The following GRK5 variants were observed in gnomAD, a reference collection of about 807,000 sequenced individuals.
The protein encoded by GRK5 is G protein-coupled receptor kinase 5.
A neutral mutation model predicts 78.4 loss-of-function variants in GRK5; 40 were observed. The observed-to-expected ratio is 0.51, with a 90% CI of 0.40 to 0.66. The LOEUF (loss-of-function observed/expected upper bound fraction) is 0.66, where lower values mean the gene tolerates loss of function less well. GRK5 is among the 30% of genes least tolerant of loss of function. The probability of loss-of-function intolerance (pLI) is 0.00; values close to 1 mark genes in which losing one functional copy is unlikely to be tolerated. For missense variants in GRK5, 598 were observed against 759.9 expected (o/e 0.79, Z 2.50); for synonymous variants, 289 against 296.8 (o/e 0.97, Z 0.27).
chr10:119,335,155 T>TCTCTCTCC, intron 2 of GRK5, among the ~76,000 whole-genome samples: 1 of 139,656 alleles, frequency 7.2e-6, no homozygotes, highest in Non-Finnish European at 1.5e-5. Flanking sequence ...TCTCTCTCTC[T>TCTCTCTCC]CTCTCTCTCT....
intron 1 of GRK5, among the ~76,000 whole-genome samples, chr10:119,261,372 A>G (rs549378138): frequency 6.8e-6 from 1 of 146,832 alleles, no homozygotes; most frequent in African/African-American, 2.5e-5. Flanking sequence ...CTCACTTCCT[A>G]GATGGGATGG....
chr10:119,277,084 G>T (rs1849683093), intron 1 of GRK5, among the ~76,000 whole-genome samples: 3 of 152,190 alleles, frequency 2.0e-5, no homozygotes, highest in Admixed American at 1.3e-4. Flanking sequence ...AGCCTAATTT[G>T]GTGAACAAAT....
At chr10:119,287,647 A>G (rs1368972332) in intron 1 of GRK5, among the ~76,000 whole-genome samples, 5 of 152,138 alleles carry the variant, frequency 3.3e-5, no homozygotes, top group Admixed American at 3.3e-4. Context: ...GCTTAGCTCA[A>G]CTGATATCTC....
chr10:119,371,528 G>T (rs758450704), intron 2 of GRK5, among the ~76,000 whole-genome samples: 2 of 152,372 alleles, frequency 1.3e-5, no homozygotes, highest in Non-Finnish European at 2.9e-5. Flanking sequence ...AATTGACTGG[G>T]TTATGAGATT....
intron 1 of GRK5, among the ~76,000 whole-genome samples, chr10:119,211,031 G>A (rs9325562): frequency 0.37 from 56,236 of 152,014 alleles, 10,706 homozygotes; most frequent in East Asian, 0.56. Context: ...TGGATTGTTA[G>A]TAATTAGAAA....
intron 1 of GRK5, among the ~76,000 whole-genome samples, chr10:119,216,252 T>A (rs1304475699): frequency 1.3e-5 from 2 of 152,226 alleles, no homozygotes; most frequent in East Asian, 3.8e-4. Flanking sequence ...ACTTGTAATC[T>A]GTGGAATATC....
intron 1 of GRK5, among the ~76,000 whole-genome samples, chr10:119,314,900 G>A (rs907461432): frequency 2.6e-5 from 4 of 152,158 alleles, no homozygotes; most frequent in Admixed American, 2.0e-4. Context: ...AAGGTGCACC[G>A]AGTCAGGGAC....
At chr10:119,449,538 T>C (rs1853231883) in intron 13 of GRK5, among the ~76,000 whole-genome samples, 1 of 152,124 alleles carries the variant, frequency 6.6e-6, no homozygotes, top group South Asian at 2.1e-4. Context: ...CGGTGGCTCA[T>C]GCCTATAATC....
At chr10:119,342,770 G>A (rs1193376881) in intron 2 of GRK5, among the ~76,000 whole-genome samples, 1 of 152,202 alleles carries the variant, frequency 6.6e-6, no homozygotes, top group Non-Finnish European at 1.5e-5. Flanking sequence ...TTTCAGAAGT[G>A]GCTCTTGGCA....
chr10:119,237,899 T>A (rs189466860), intron 1 of GRK5, among the ~76,000 whole-genome samples: 2 of 151,824 alleles, frequency 1.3e-5, no homozygotes, highest in East Asian at 1.9e-4. Flanking sequence ...CAGCTGTTAA[T>A]GGGTTGTCTG....
intron 3 of GRK5, among the ~76,000 whole-genome samples, chr10:119,391,647 C>T (rs993221594): frequency 2.6e-5 from 4 of 152,088 alleles, no homozygotes; most frequent in Admixed American, 6.5e-5. Context: ...CAGGCGGGGA[C>T]GGAGCCAGCA....
At chr10:119,262,004 C>G (rs1400060906) in intron 1 of GRK5, among the ~76,000 whole-genome samples, 1 of 152,130 alleles carries the variant, frequency 6.6e-6, no homozygotes, top group Non-Finnish European at 1.5e-5. Context: ...CAAAATTGAC[C>G]TAATGAGATG....
At chr10:119,327,812 G>A (rs753642233) in intron 2 of GRK5, among the ~76,000 whole-genome samples, 2 of 152,146 alleles carry the variant, frequency 1.3e-5, no homozygotes, top group African/African-American at 2.4e-5. Context: ...GAAGCAAGGT[G>A]GGATCCTGAA....
chr10:119,368,622 G>C (rs1851491966), intron 2 of GRK5, among the ~76,000 whole-genome samples: 1 of 152,234 alleles, frequency 6.6e-6, no homozygotes, highest in South Asian at 2.1e-4. Flanking sequence ...GTCATGCAGG[G>C]TCAGACGTGG....
intron 1 of GRK5, among the ~76,000 whole-genome samples, chr10:119,300,282 T>C (rs1850154255): frequency 6.6e-6 from 1 of 152,242 alleles, no homozygotes; most frequent in Non-Finnish European, 1.5e-5. Context: ...TCGTCTTTTT[T>C]GCAGGATGCA....
At chr10:119,273,581 G>C (rs898075941) in intron 1 of GRK5, among the ~76,000 whole-genome samples, 16 of 152,348 alleles carry the variant, frequency 1.1e-4, no homozygotes, top group African/African-American at 3.8e-4. Context: ...GGCCACAAGT[G>C]TGGATGGGCC....
At chr10:119,402,567 T>A (rs1564921056) in intron 4 of GRK5, among the ~76,000 whole-genome samples, 1 of 152,160 alleles carries the variant, frequency 6.6e-6, no homozygotes, top group Non-Finnish European at 1.5e-5. Context: ...AATACCAATT[T>A]TATGGCCGGG....
chr10:119,385,248 TG>T (rs1175041192), intron 3 of GRK5, among the ~76,000 whole-genome samples: 3 of 147,624 alleles, frequency 2.0e-5, no homozygotes, highest in African/African-American at 7.8e-5. Context: ...TGGTCTGACT[TG>T]GGGTTTTATT....
In GRK5 at chr10:119,323,030, C is replaced by T. The variant is rs541429042; in HGVS notation, c.53-3486C>T. Among the ~76,000 whole-genome samples the T allele has an allele frequency of 1.0e-3, 153 of 152,356 alleles. 1 individual carries two copies. The highest frequency in any genetic ancestry group is 3.5e-3 in the African/African-American group (146 of 41,586). ...ACATGGGCGAAGCTCGAGGACATTA[C>T]GCTAAGTGAAAGAACAGACACAAAA... On this transcript the variant is annotated intron_variant, in intron 1 of 15. Transcript: ENST00000392870.
Sources: allele counts gnomAD v4.1 joint callset (sites outside exome capture counted in the v4.1 genomes callset), GRCh38; gene constraint gnomAD v4.1.1; transcripts MANE v1.5; gene names NCBI Gene and HGNC (gene_info 2026-07-23, HGNC 2026-07-21).